The following CNOT6 variants were observed in gnomAD, a reference collection of about 807,000 sequenced individuals.
CNOT6 encodes the protein carbon catabolite repression 4 protein.
CNOT6 carries 12 observed loss-of-function variants against 61.2 expected under a neutral mutation model. That is an observed-to-expected ratio of 0.20 (90% CI 0.13 to 0.32). CNOT6 has a LOEUF of 0.32. CNOT6 is among the 10% of genes least tolerant of loss of function. The pLI is 1.00. For missense variants in CNOT6, 405 were observed against 663.9 expected (o/e 0.61, Z 4.28); for synonymous variants, 225 against 240.6 (o/e 0.94, Z 0.60).
At chr5:180,555,010 CT>C (rs34968726) in intron 4 of CNOT6, among the ~76,000 whole-genome samples, 402 of 140,212 alleles carry the variant, frequency 2.9e-3, no homozygotes, top group East Asian at 5.7e-3. Context: ...CACAAATTTG[CT>C]TTTTTTTTTT....
At position 180,546,116 on chromosome 5, in the gene CNOT6, G is replaced by A. The variant is rs952172329; in HGVS notation, c.113-3815G>A. On this transcript the variant is annotated intron_variant, in intron 2 of 11. Coordinates refer to ENST00000261951, the MANE Select transcript of CNOT6 (RefSeq NM_001370472.1). The stretch of plus-strand genomic sequence containing the variant: ...TCACCATGTTGGCCAGGATGGTCTC[G>A]ATGTCCTGACCTCATGATCCACCCG... Among the ~76,000 whole-genome samples the A allele has an allele frequency of 6.6e-5, 10 of 151,774 alleles. 1 individual carries two copies. The highest frequency in any genetic ancestry group is 6.6e-4 in the Admixed American group (10 of 15,222).
Position 180,566,633 on chromosome 5 carries a change from G to T in CNOT6, c.718-455G>T, listed in dbSNP as rs926027161. On this transcript the variant is annotated intron_variant, in intron 7 of 11. Transcript: ENST00000261951. ...GGTTTCAGATAAATAGTGTTGAAAA[G>T]ATGTTACTTTTTTTTTTTTTTTTTT... Among the ~76,000 whole-genome samples the T allele has an allele frequency of 7.5e-5, 10 of 133,854 alleles. No individual in the cohort carries two copies. In the Admixed American group the frequency reaches 7.9e-4, roughly 11 times the overall value. 87.8% of individuals were successfully genotyped at this position (133,854 alleles called of 152,430 possible). A position where few individuals can be genotyped will look rare whatever the true frequency, so the allele number is the denominator to read the frequency against.
At chr5:180,525,538 CAAAA>C (rs56234526) in intron 1 of CNOT6, among the ~76,000 whole-genome samples, 12 of 83,492 alleles carry the variant, frequency 1.4e-4, no homozygotes, top group African/African-American at 2.3e-4. Context: ...GACCCTGTCT[CAAAA>C]AAAAAAAAAA....
At chr5:180,563,184 C>G (rs1009765246) in intron 4 of CNOT6, among the ~76,000 whole-genome samples, 3 of 151,948 alleles carry the variant, frequency 2.0e-5, no homozygotes, top group Admixed American at 1.3e-4. Context: ...GTTTGCCAAC[C>G]TCTTCTATTC....
At chr5:180,570,919 TAA>T (rs754634041) in intron 10 of CNOT6, among the ~76,000 whole-genome samples, 8 of 152,212 alleles carry the variant, frequency 5.3e-5, no homozygotes, top group Non-Finnish European at 1.0e-4. Context: ...TAATTCTTTG[TAA>T]AAAGTGGAAA....
chr5:180,551,102 G>T (rs1416321851), intron 3 of CNOT6, among the ~76,000 whole-genome samples: 4 of 152,004 alleles, frequency 2.6e-5, no homozygotes, highest in African/African-American at 9.7e-5. Flanking sequence ...CCAGTACTTT[G>T]AGTGGCTGAG....
At chr5:180,565,008 T>G (rs1156872518) in intron 6 of CNOT6, among the ~76,000 whole-genome samples, 3 of 152,236 alleles carry the variant, frequency 2.0e-5, no homozygotes, top group Non-Finnish European at 1.5e-5. Flanking sequence ...GAGACAATTT[T>G]GATGGTCGTA....
intron 4 of CNOT6, among the ~76,000 whole-genome samples, chr5:180,562,200 T>A (rs910043724): frequency 6.6e-6 from 1 of 152,194 alleles, no homozygotes; most frequent in Non-Finnish European, 1.5e-5. Flanking sequence ...CTATTCTGCC[T>A]TCTCTCCTTT....
At position 180,578,357 on chromosome 5, in the gene CNOT6, A is replaced by G. The variant is rs1422706787; in HGVS notation, c.*4157A>G. 1 of 152,552 alleles carries G rather than the reference A, an allele frequency of 6.6e-6. No individual in the cohort carries two copies. Among genetic ancestry groups the G allele is most frequent in the Non-Finnish European group, 1.5e-5 (1 of 68,036 alleles). The allele number at this position is 152,552 out of a possible 1,614,324, so 9.4% of individuals were successfully genotyped here. ...ATAAATGCTTTTAAATACAGTAGCA[A>G]ACATTGTGTTGGGGTTATAATAATT... On this transcript the variant is annotated 3_prime_UTR_variant, in exon 12 of 12. Coordinates refer to ENST00000261951, the MANE Select transcript of CNOT6 (RefSeq NM_001370472.1).
chr5:180,552,881 T>C (rs1312102399), intron 3 of CNOT6, among the ~76,000 whole-genome samples: 1 of 152,234 alleles, frequency 6.6e-6, no homozygotes, highest in Admixed American at 6.5e-5. Flanking sequence ...ATCATAAGCT[T>C]AATTATGCAG....
chr5:180,565,684 C>T (rs191922597), intron 6 of CNOT6, 136 bp from the exon 7 acceptor site: 156 of 719,082 alleles, frequency 2.2e-4, no homozygotes, highest in Non-Finnish European at 2.9e-4. Flanking sequence ...CCATATGTGG[C>T]GTACAGTAGC....
chr5:180,497,863 G>C (rs1292436451), intron 1 of CNOT6, among the ~76,000 whole-genome samples: 1 of 152,004 alleles, frequency 6.6e-6, no homozygotes, highest in Non-Finnish European at 1.5e-5. Context: ...GACCAAGATG[G>C]AGAAACCCTG....
chr5:180,502,093 G>T (rs1209835732), intron 1 of CNOT6, among the ~76,000 whole-genome samples: 2 of 152,152 alleles, frequency 1.3e-5, no homozygotes, highest in African/African-American at 4.8e-5. Context: ...AGACAGGGTC[G>T]AGAGAAGGTA....
At chr5:180,515,743 C>G (rs1757606785) in intron 1 of CNOT6, among the ~76,000 whole-genome samples, 1 of 152,062 alleles carries the variant, frequency 6.6e-6, no homozygotes, top group Non-Finnish European at 1.5e-5. Flanking sequence ...GGGGGTCTTT[C>G]TGCACGTGAG....
At chr5:180,530,384 C>T (rs1381132709) in intron 2 of CNOT6, among the ~76,000 whole-genome samples, 1 of 152,062 alleles carries the variant, frequency 6.6e-6, no homozygotes, top group African/African-American at 2.4e-5. Context: ...CATAACAAAT[C>T]TAGGTATAAA....
At chr5:180,566,397 CAT>C (rs1031489865) in intron 7 of CNOT6, among the ~76,000 whole-genome samples, 27 of 152,312 alleles carry the variant, frequency 1.8e-4, no homozygotes, top group Admixed American at 2.6e-4. Flanking sequence ...CATAGTCACT[CAT>C]ATGATCTTGA....
intron 4 of CNOT6, among the ~76,000 whole-genome samples, chr5:180,561,200 G>T (rs1057282905): frequency 6.6e-5 from 10 of 152,118 alleles, no homozygotes; most frequent in African/African-American, 2.4e-4. Context: ...TGATCCTCCT[G>T]CTTCAGCCTC....
At chr5:180,532,155 G>A (rs1045684107) in intron 2 of CNOT6, among the ~76,000 whole-genome samples, 1 of 152,170 alleles carries the variant, frequency 6.6e-6, no homozygotes, top group South Asian at 2.1e-4. Flanking sequence ...CACTAATTTT[G>A]TAGTTATTCT....
At chr5:180,507,176 G>A (rs1757166681) in intron 1 of CNOT6, among the ~76,000 whole-genome samples, 1 of 152,178 alleles carries the variant, frequency 6.6e-6, no homozygotes, top group Admixed American at 6.5e-5. Context: ...AGGTTTGTGA[G>A]GGGTAAGTGG....
Sources: gnomAD v4.1 joint callset for allele counts (sites outside exome capture counted in the v4.1 genomes callset) on GRCh38, gnomAD v4.1.1 for gene constraint, MANE v1.5 for transcripts, NCBI Gene and HGNC (gene_info 2026-07-23, HGNC 2026-07-21) for gene names.